The following S100Z variants were observed in gnomAD, a reference collection of about 807,000 sequenced individuals.
S100Z encodes the protein S100 calcium binding protein Z, also known as protein S100-Z.
Under a neutral mutation model 8.5 loss-of-function variants are expected in S100Z, and 11 were observed. The observed-to-expected ratio is 1.30, with a 90% CI of 0.82 to 2.15. The LOEUF (loss-of-function observed/expected upper bound fraction) is 2.15, where lower values mean the gene tolerates loss of function less well. S100Z is among the 30% of genes most tolerant of loss of function. The pLI, the probability that S100Z is intolerant of heterozygous loss-of-function variation, is 0.00. For synonymous variants in S100Z, 34 were observed against 43.8 expected (o/e 0.78, Z 0.89); for missense variants, 126 against 117.9 (o/e 1.07, Z -0.32).
At chr5:76,851,204 C>A (rs913743455) in intron 1 of S100Z, among the ~76,000 whole-genome samples, 2 of 152,172 alleles carry the variant, frequency 1.3e-5, no homozygotes, top group African/African-American at 4.8e-5. Context: ...GAGGAATGGG[C>A]AGCACAGTGG....
chr5:76,931,377 T>C, the S100Z span, among the ~76,000 whole-genome samples: 2 of 152,108 alleles, frequency 1.3e-5, no homozygotes, highest in African/African-American at 4.8e-5. Context: ...CCTCCCGAAG[T>C]GTTGGGATTA....
At chr5:76,905,043 T>A (rs375671399) in intron 4 of S100Z, among the ~76,000 whole-genome samples, 1 of 152,176 alleles carries the variant, frequency 6.6e-6, no homozygotes, top group Non-Finnish European at 1.5e-5. Flanking sequence ...TTTTGGTTGA[T>A]TGGGGACAGA....
At chr5:76,941,782 G>T in the S100Z span, among the ~76,000 whole-genome samples, 2 of 151,556 alleles carry the variant, frequency 1.3e-5, no homozygotes, top group African/African-American at 4.9e-5. Context: ...CTTTTAAGGA[G>T]CGGGGAGTTA....
At chr5:76,894,718 C>T (rs1215047744) in intron 4 of S100Z, among the ~76,000 whole-genome samples, 6 of 151,664 alleles carry the variant, frequency 4.0e-5, no homozygotes. Context: ...GCCTCAGCCT[C>T]CCGAGTAGCT....
chr5:76,894,655 A>T (rs1743973661), intron 4 of S100Z, among the ~76,000 whole-genome samples: 1 of 149,832 alleles, frequency 6.7e-6, no homozygotes, highest in Admixed American at 6.7e-5. Context: ...GAGTGCAATG[A>T]CATGATCTCG....
chr5:76,924,835 C>T (rs974535631), downstream of S100Z, among the ~76,000 whole-genome samples: 6 of 151,864 alleles, frequency 4.0e-5, no homozygotes, highest in South Asian at 4.1e-4. Context: ...ATCGCTTGAA[C>T]GCGGGAGGTG....
intron 4 of S100Z, among the ~76,000 whole-genome samples, chr5:76,884,840 T>G (rs909947373): frequency 6.6e-6 from 1 of 151,836 alleles, no homozygotes; most frequent in Non-Finnish European, 1.5e-5. Flanking sequence ...AGAGGTCAGA[T>G]GAGTCCGTAG....
intron 2 of S100Z, 53 bp downstream of exon 2, chr5:76,870,337 G>A (rs1298279778): frequency 6.6e-6 from 1 of 152,058 alleles, no homozygotes; most frequent in Non-Finnish European, 1.5e-5. Context: ...TGTCTGATGG[G>A]GTTAGGGATG....
downstream of S100Z, among the ~76,000 whole-genome samples, chr5:76,922,170 C>G (rs990620284): frequency 2.0e-5 from 3 of 152,126 alleles, no homozygotes; most frequent in South Asian, 2.1e-4. Context: ...GTCTCCACCC[C>G]CTCCCAAGCA....
intron 4 of S100Z, among the ~76,000 whole-genome samples, chr5:76,908,096 C>T (rs1744520426): frequency 6.6e-6 from 1 of 152,166 alleles, no homozygotes; most frequent in Non-Finnish European, 1.5e-5. Flanking sequence ...TTTGCCACTG[C>T]ACTCCAGCCT....
At chr5:76,863,532 T>C (rs1751127061) in intron 1 of S100Z, among the ~76,000 whole-genome samples, 1 of 152,094 alleles carries the variant, frequency 6.6e-6, no homozygotes, top group African/African-American at 2.4e-5. Flanking sequence ...TCTTATTTTG[T>C]TTTATTTTAT....
At chr5:76,877,013 C>G (rs1440601121) in intron 3 of S100Z, among the ~76,000 whole-genome samples, 1 of 152,146 alleles carries the variant, frequency 6.6e-6, no homozygotes, top group South Asian at 2.1e-4. Flanking sequence ...TTGGGTGCCT[C>G]TCTTCTGTGT....
At chr5:76,927,358 G>A in the S100Z span, among the ~76,000 whole-genome samples, 1 of 152,178 alleles carries the variant, frequency 6.6e-6, no homozygotes, top group Non-Finnish European at 1.5e-5. Context: ...GGTTCCAGGT[G>A]TCAGTGGAAG....
chr5:76,946,173 A>G, the S100Z span, among the ~76,000 whole-genome samples: 1 of 152,166 alleles, frequency 6.6e-6, no homozygotes, highest in Non-Finnish European at 1.5e-5. Context: ...ATTCACTGCG[A>G]TAATCTGGGT....
chr5:76,863,604 T>A (rs545772938), intron 1 of S100Z, among the ~76,000 whole-genome samples: 1 of 152,258 alleles, frequency 6.6e-6, no homozygotes, highest in African/African-American at 2.4e-5. Flanking sequence ...AGTGGCGCGA[T>A]CTCGGCTCAC....
chr5:76,914,722 G>T (rs1561251435), intron 4 of S100Z, among the ~76,000 whole-genome samples: 1 of 151,952 alleles, frequency 6.6e-6, no homozygotes, highest in Non-Finnish European at 1.5e-5. Context: ...CACCGCGAAG[G>T]TCTGCAGCTT....
Position 76,882,945 on chromosome 5 carries a change from T to C in S100Z, c.*2+5111T>C, listed in dbSNP as rs543106917. Among the ~76,000 whole-genome samples, 3 of 152,164 alleles carry C rather than the reference T, an allele frequency of 2.0e-5. No homozygotes were observed. The East Asian group carries it at 5.8e-4, about 29-fold the overall frequency. ...AGGAGAGTATATGGGTTTGGCACCA[T>C]GGGGTGGATAGGCAAGACAATTTGG... On this transcript the variant is annotated intron_variant, in intron 4 of 4. Coordinates refer to ENST00000317593, the MANE Select transcript of S100Z (RefSeq NM_130772.4).
chr5:76,895,765 C>CTTTTTTTT, intron 4 of S100Z, among the ~76,000 whole-genome samples: 1 of 88,372 alleles, frequency 1.1e-5, no homozygotes, highest in East Asian at 3.8e-4. Flanking sequence ...TCTTTTCTTC[C>CTTTTTTTT]TTTTTTTTTT....
At chr5:76,925,517 T>C (rs1745124426), downstream of S100Z, among the ~76,000 whole-genome samples, 1 of 152,238 alleles carries the variant, frequency 6.6e-6, no homozygotes, top group Non-Finnish European at 1.5e-5. Flanking sequence ...CTCTCATTTC[T>C]GTTGCAATTG....
Sources: allele counts gnomAD v4.1 joint callset (sites outside exome capture counted in the v4.1 genomes callset), GRCh38; gene constraint gnomAD v4.1.1; transcripts MANE v1.5; gene names NCBI Gene and HGNC (gene_info 2026-07-23, HGNC 2026-07-21).